TDRD10: variants seen among roughly 807,000 people sequenced by gnomAD.
TDRD10 encodes tudor domain-containing protein 10.
A neutral mutation model predicts 48.0 loss-of-function variants in TDRD10; 40 were observed. That is an observed-to-expected ratio of 0.83 (90% confidence interval 0.65 to 1.09). The LOEUF (loss-of-function observed/expected upper bound fraction) is 1.09, where lower values mean the gene tolerates loss of function less well. Among genes scored for constraint, TDRD10 ranks in the 50% least tolerant of loss-of-function variants. TDRD10 has a pLI of 0.00. For synonymous variants in TDRD10, 162 were observed against 170.4 expected (o/e 0.95, Z 0.38); for missense variants, 378 against 434.7 (o/e 0.87, Z 1.16).
chr1:154,509,083 A>C (rs1041479884), intron 4 of TDRD10, among the ~76,000 whole-genome samples: 9 of 141,688 alleles, frequency 6.4e-5, no homozygotes, highest in African/African-American at 2.3e-4. Flanking sequence ...ATTGAATTGA[A>C]GCACCTCCTG....
chr1:154,541,673 G>T (rs1362862877), intron 6 of TDRD10, among the ~76,000 whole-genome samples: 1 of 152,136 alleles, frequency 6.6e-6, no homozygotes, highest in Non-Finnish European at 1.5e-5. Flanking sequence ...TTTCCTCCCT[G>T]CAGGTAGTGC....
chr1:154,520,264 A>T (rs1290126901), intron 4 of TDRD10, 40 bp from the exon 5 acceptor site: 1 of 1,455,416 alleles, frequency 6.9e-7, no homozygotes, highest in African/African-American at 1.4e-5. Flanking sequence ...GTTGTAAGTT[A>T]TGTCTCTGGG....
At position 154,525,621 on chromosome 1, in the gene TDRD10, C is replaced by G; in HGVS notation, c.369+4142C>G. Reference sequence around the variant, plus strand: ...GGAAGTAGACATTAATGGCCAGGCACGGTGGCTAACACCTGTAATCCCAGC... The same window carrying G: ...GGAAGTAGACATTAATGGCCAGGCAGGGTGGCTAACACCTGTAATCCCAGC... On this transcript the variant is annotated intron_variant, in intron 6 of 12. Transcript: ENST00000368482. Among the ~76,000 whole-genome samples, 4 of 152,220 alleles carry G rather than the reference C, an allele frequency of 2.6e-5. No homozygotes were observed. The Middle Eastern group carries it at 0.01, about 388-fold the overall frequency.
intron 4 of TDRD10, among the ~76,000 whole-genome samples, chr1:154,515,300 C>T (rs1326263657): frequency 6.6e-6 from 1 of 152,114 alleles, no homozygotes; most frequent in African/African-American, 2.4e-5. Flanking sequence ...ACCCAGCCAG[C>T]TCTTCTTGCT....
At position 154,544,350 on chromosome 1, in the gene TDRD10, C is replaced by T. The variant is rs529639344; in HGVS notation, c.652-22C>T. 1.0e-5 allele frequency: 16 copies of T among 1,566,254 alleles called. No homozygotes were observed. The South Asian group carries it at 1.1e-4, about 10-fold the overall frequency. On this transcript the variant is annotated intron_variant, in intron 9 of 12. Coordinates refer to ENST00000368482, the MANE Select transcript of TDRD10 (RefSeq NM_182499.4). ...TGTAATGCAGTGCAGGCAGTGGGGC[C>T]GTTGCGTTTTGCACCCCACAGGCTC...
intron 1 of TDRD10, among the ~76,000 whole-genome samples, chr1:154,503,752 C>T (rs912421698): frequency 1.1e-4 from 17 of 152,120 alleles, no homozygotes; most frequent in Non-Finnish European, 2.4e-4. Context: ...ATGATGGCGA[C>T]TGTGGACGGC....
chr1:154,512,801 C>A (rs1171452949), intron 4 of TDRD10, among the ~76,000 whole-genome samples: 12 of 152,160 alleles, frequency 7.9e-5, no homozygotes, highest in Admixed American at 7.9e-4. Context: ...GATTCCAGAT[C>A]TGGAGCTGTT....
At chr1:154,516,070 A>T (rs1412622822) in intron 4 of TDRD10, among the ~76,000 whole-genome samples, 2 of 152,214 alleles carry the variant, frequency 1.3e-5, no homozygotes, top group African/African-American at 4.8e-5. Flanking sequence ...AGATGAGCCC[A>T]GCAGGGCTCT....
intron 3 of TDRD10, among the ~76,000 whole-genome samples, chr1:154,507,665 G>T (rs1007307127): frequency 2.0e-5 from 3 of 152,066 alleles, no homozygotes; most frequent in African/African-American, 4.8e-5. Flanking sequence ...GCCCTCACCC[G>T]TATCACCCAG....
intron 6 of TDRD10, among the ~76,000 whole-genome samples, chr1:154,522,693 ACT>A (rs10568950): frequency 0.79 from 119,305 of 151,922 alleles, 47,562 homozygotes; most frequent in East Asian, 0.92. Flanking sequence ...CTAATTTCAA[ACT>A]CTTTCTCTTC....
chr1:154,526,086 T>C (rs1477001634), intron 6 of TDRD10, among the ~76,000 whole-genome samples: 1 of 149,762 alleles, frequency 6.7e-6, no homozygotes, highest in Non-Finnish European at 1.5e-5. Flanking sequence ...GCACCTGTAG[T>C]CCCAGCTACT....
chr1:154,541,615 C>T (rs933334602), intron 6 of TDRD10, among the ~76,000 whole-genome samples: 3 of 152,044 alleles, frequency 2.0e-5, no homozygotes, highest in Non-Finnish European at 4.4e-5. Context: ...GGCACCCAGG[C>T]TTTTCTGTCC....
At chr1:154,543,823 G>C (rs1355820128) in intron 8 of TDRD10, 140 bp from the exon 9 acceptor site, 14 of 1,269,858 alleles carry the variant, frequency 1.1e-5, no homozygotes, top group East Asian at 4.7e-5. Context: ...CACCCTAGAG[G>C]GGGTGGGCAC....
Position 154,514,880 on chromosome 1 carries a change from T to TA in TDRD10, c.142-5424_142-5423insA, listed in dbSNP as rs1557816897. 3.8e-3 allele frequency among the ~76,000 whole-genome samples: 571 copies of TA among 151,506 alleles called. 1 individual carries two copies. Among genetic ancestry groups the TA allele is most frequent in the African/African-American group, 0.013 (528 of 41,248 alleles). On this transcript the variant is annotated intron_variant, in intron 4 of 12. Coordinates refer to ENST00000368482, the MANE Select transcript of TDRD10 (RefSeq NM_182499.4). ...TTTATTTATTTATTTATTTATTTTT[T>TA]TTTTTGAGACGGAGCCTTACTCTGT...
chr1:154,518,619 C>T (rs1002311484), intron 4 of TDRD10, among the ~76,000 whole-genome samples: 6 of 152,062 alleles, frequency 3.9e-5, no homozygotes, highest in African/African-American at 7.2e-5. Flanking sequence ...GTAGTAGAGA[C>T]GGGGTTTCAC....
At chr1:154,527,697 G>A (rs1177759561) in intron 6 of TDRD10, among the ~76,000 whole-genome samples, 2 of 152,128 alleles carry the variant, frequency 1.3e-5, no homozygotes, top group African/African-American at 2.4e-5. Context: ...GAAAGTTGAT[G>A]TATAAAGAAA....
intron 7 of TDRD10, 52 bp from the exon 8 acceptor site, chr1:154,542,679 T>G (rs375826677): frequency 1.5e-5 from 22 of 1,501,178 alleles, no homozygotes; most frequent in Non-Finnish European, 1.9e-5. Flanking sequence ...AGGGGAGCAA[T>G]TCCTCTCTGG....
chr1:154,532,748 T>C (rs1694704342), intron 6 of TDRD10, among the ~76,000 whole-genome samples: 1 of 152,328 alleles, frequency 6.6e-6, no homozygotes, highest in South Asian at 2.1e-4. Context: ...TGTATACACC[T>C]TGTGTTTTAA....
chr1:154,538,800 CCTAGA>C (rs1695063081), intron 6 of TDRD10, among the ~76,000 whole-genome samples: 1 of 100,018 alleles, frequency 1.0e-5, no homozygotes. Flanking sequence ...TTGCAGTGAG[CCTAGA>C]TTGCATCACT....
Sources: gnomAD v4.1 joint callset for allele counts (sites outside exome capture counted in the v4.1 genomes callset) on GRCh38, gnomAD v4.1.1 for gene constraint, MANE v1.5 for transcripts, NCBI Gene and HGNC (gene_info 2026-07-23, HGNC 2026-07-21) for gene names.